Variants in FRMPD2 observed in about 807,000 individuals in gnomAD.
FRMPD2 encodes FERM and PDZ domain containing 2.
A neutral mutation model predicts 140.1 loss-of-function variants in FRMPD2; 96 were observed. That is an observed-to-expected ratio of 0.69 (90% CI 0.58 to 0.81). The LOEUF (loss-of-function observed/expected upper bound fraction) is 0.81, where lower values mean the gene tolerates loss of function less well. Ranked by LOEUF, FRMPD2 falls within the 40% of genes least tolerant of loss-of-function variation. The probability of loss-of-function intolerance (pLI) is 0.00; values close to 1 mark genes in which losing one functional copy is unlikely to be tolerated. For missense variants in FRMPD2, 1,240 were observed against 1,447.4 expected, an observed-to-expected ratio of 0.86 and a Z score of 2.32; for synonymous variants, 449 against 547.6, an observed-to-expected ratio of 0.82 and a Z score of 2.52.
In FRMPD2 at chr10:48,240,282, G is replaced by A. The variant is rs868555626; in HGVS notation, c.700+78C>T. ...CTTTCTCTGCCATCACAATGTGGATGTGTAGCCCATACAGGGCAGGAAAAA... is the reference window on the plus strand; with the variant it reads ...CTTTCTCTGCCATCACAATGTGGATATGTAGCCCATACAGGGCAGGAAAAA... On this transcript the variant is annotated intron_variant, in intron 6 of 28. Coordinates refer to ENST00000374201, the MANE Select transcript of FRMPD2 (RefSeq NM_001018071.4). 3 of 1,465,600 alleles carry A rather than the reference G, an allele frequency of 2.0e-6. No homozygotes were observed. The South Asian group carries it at 3.6e-5, about 17-fold the overall frequency. The allele number at this position is 1,465,600 out of a possible 1,614,324, so 90.8% of individuals were successfully genotyped here. A position where few individuals can be genotyped will look rare whatever the true frequency, so the allele number is the denominator to read the frequency against.
At chr10:48,177,107 C>CTT (rs797028246) in intron 22 of FRMPD2, among the ~76,000 whole-genome samples, 3,426 of 130,638 alleles carry the variant, frequency 0.026, 213 homozygotes, top group African/African-American at 0.098. Context: ...TAATGGATCA[C>CTT]TTTTTTTTTT....
chr10:48,218,807 T>A (rs559462214), intron 12 of FRMPD2, among the ~76,000 whole-genome samples: 1 of 152,294 alleles, frequency 6.6e-6, no homozygotes, highest in South Asian at 2.1e-4. Context: ...TGAGTTCCTA[T>A]CACCCAGGCT....
intron 1 of FRMPD2, among the ~76,000 whole-genome samples, chr10:48,253,454 T>C (rs974176641): frequency 6.6e-6 from 1 of 152,056 alleles, no homozygotes; most frequent in Non-Finnish European, 1.5e-5. Context: ...CAAAAGGCAG[T>C]TGGATGACGT....
At chr10:48,179,737 C>T (rs1423089229) in intron 21 of FRMPD2, among the ~76,000 whole-genome samples, 3 of 152,036 alleles carry the variant, frequency 2.0e-5, no homozygotes, top group African/African-American at 4.8e-5. Context: ...TTAGTTTCCA[C>T]GGCTGTGGAC....
intron 20 of FRMPD2, 43 bp downstream of exon 20, chr10:48,184,523 A>T: frequency 8.2e-7 from 1 of 1,215,462 alleles, no homozygotes; most frequent in Non-Finnish European, 1.2e-6. Context: ...ACTCCTGAAA[A>T]CAGGGGAGCC....
intron 4 of FRMPD2, among the ~76,000 whole-genome samples, chr10:48,244,151 AT>A (rs1299689064): frequency 2.0e-5 from 3 of 151,958 alleles, no homozygotes; most frequent in Non-Finnish European, 4.4e-5. Context: ...CACCCAGCTA[AT>A]TTTTTTATTT....
intron 13 of FRMPD2, 45 bp from the exon 14 acceptor site, chr10:48,206,978 T>A: frequency 6.3e-7 from 1 of 1,576,904 alleles, no homozygotes; most frequent in Non-Finnish European, 8.7e-7. Context: ...GCACATGGTT[T>A]AAAATAATGG....
chr10:48,261,028 C>T (rs1024980037), intron 1 of FRMPD2, among the ~76,000 whole-genome samples: 1 of 152,060 alleles, frequency 6.6e-6, no homozygotes, highest in Non-Finnish European at 1.5e-5. Context: ...TGGGCTCATC[C>T]AGTAGATTAG....
chr10:48,246,449 G>A (rs1305586447), intron 3 of FRMPD2, among the ~76,000 whole-genome samples: 2 of 152,222 alleles, frequency 1.3e-5, no homozygotes, highest in African/African-American at 4.8e-5. Flanking sequence ...AGTAGAGGCT[G>A]GTGAGAAGGA....
intron 10 of FRMPD2, among the ~76,000 whole-genome samples, chr10:48,224,591 C>A (rs73294233): frequency 1.3e-5 from 2 of 152,182 alleles, no homozygotes; most frequent in African/African-American, 4.8e-5. Context: ...AGGATGAATT[C>A]TCCCCAAGAG....
intron 12 of FRMPD2, among the ~76,000 whole-genome samples, chr10:48,216,625 A>G (rs1268620629): frequency 6.6e-6 from 1 of 152,228 alleles, no homozygotes; most frequent in Non-Finnish European, 1.5e-5. Context: ...ATAATGCTGG[A>G]GGAGGTAGAA....
Position 48,240,351 on chromosome 10 carries a change from C to T in FRMPD2, c.700+9G>A, listed in dbSNP as rs752784418. On this transcript the variant is annotated intron_variant, in intron 6 of 28. Coordinates refer to ENST00000374201, the MANE Select transcript of FRMPD2 (RefSeq NM_001018071.4). ...GCCCACGCAGGGACTGCTTAGGGCA[C>T]GTACCCACCTCTGCAAGGATGCAGA... The T allele has an allele frequency of 6.2e-6, 10 of 1,610,262 alleles. No homozygotes were observed. Among genetic ancestry groups the T allele is most frequent in the East Asian group, 2.2e-5 (1 of 44,890 alleles).
At chr10:48,256,092 T>C (rs572692775) in intron 1 of FRMPD2, among the ~76,000 whole-genome samples, 2 of 152,178 alleles carry the variant, frequency 1.3e-5, no homozygotes, top group Non-Finnish European at 2.9e-5. Context: ...TGTGGCTGAG[T>C]ATTAACTAGA....
At chr10:48,183,154 G>T (rs1838592329) in intron 20 of FRMPD2, among the ~76,000 whole-genome samples, 1 of 152,218 alleles carries the variant, frequency 6.6e-6, no homozygotes, top group Non-Finnish European at 1.5e-5. Context: ...CAAGGCAAAT[G>T]CAGTGCCTGC....
chr10:48,175,500 C>T (rs2132412758), intron 23 of FRMPD2, among the ~76,000 whole-genome samples: 1 of 151,734 alleles, frequency 6.6e-6, no homozygotes, highest in African/African-American at 2.4e-5. Context: ...CAGGTGTCCT[C>T]CCCGGATGTG....
At chr10:48,272,165 T>C (rs76727667) in intron 1 of FRMPD2, among the ~76,000 whole-genome samples, 6,078 of 152,008 alleles carry the variant, frequency 0.04, 415 homozygotes, top group African/African-American at 0.14. Context: ...GAGTGACAGC[T>C]TCATCCCCAG....
chr10:48,212,174 T>C, intron 12 of FRMPD2, 65 bp from the exon 13 acceptor site: 14 of 1,517,046 alleles, frequency 9.2e-6, no homozygotes, highest in Non-Finnish European at 1.3e-5. Flanking sequence ...CTGAGAGGAA[T>C]GAAAACATTA....
chr10:48,157,257 A>G lies in FRMPD2; in HGVS notation c.*65T>C, dbSNP rs1490339991. 1 of 710,634 alleles carries G rather than the reference A, an allele frequency of 1.4e-6. No individual in the cohort carries two copies. Among genetic ancestry groups the G allele is most frequent in the Non-Finnish European group, 2.6e-6 (1 of 381,898 alleles). 44.0% of individuals were successfully genotyped at this position (710,634 alleles called of 1,614,324 possible). A position where few individuals can be genotyped will look rare whatever the true frequency, so the allele number is the denominator to read the frequency against. On this transcript the variant is annotated 3_prime_UTR_variant, in exon 29 of 29. Coordinates refer to ENST00000374201, the MANE Select transcript of FRMPD2 (RefSeq NM_001018071.4). ...AGTTCGCCACACACGCCTCTTGATT[A>G]GAAAGAATAGTCCATGCAAAGGTAG...
intron 15 of FRMPD2, among the ~76,000 whole-genome samples, chr10:48,195,888 A>T (rs780573347): frequency 1.3e-5 from 2 of 152,250 alleles, no homozygotes; most frequent in African/African-American, 2.4e-5. Flanking sequence ...TGCTGACTGC[A>T]GGCAGGCATA....
Sources: allele counts gnomAD v4.1 joint callset (sites outside exome capture counted in the v4.1 genomes callset), GRCh38; gene constraint gnomAD v4.1.1; transcripts MANE v1.5; gene names NCBI Gene and HGNC (gene_info 2026-07-23, HGNC 2026-07-21).